Variants in HEXB observed in about 807,000 individuals in gnomAD.
The protein encoded by HEXB is beta-hexosaminidase subunit beta.
Under a neutral mutation model 71.2 loss-of-function variants are expected in HEXB, and 51 were observed. That is an observed-to-expected ratio of 0.72 (90% CI 0.57 to 0.90). The LOEUF (loss-of-function observed/expected upper bound fraction) is 0.90. Among genes scored for constraint, HEXB ranks in the 40% least tolerant of loss-of-function variants. The probability of loss-of-function intolerance (pLI) is 0.00; values close to 1 mark genes in which losing one functional copy is unlikely to be tolerated. For synonymous variants in HEXB, 266 were observed against 249.3 expected, an observed-to-expected ratio of 1.07 and a Z score of -0.63; for missense variants, 617 against 677.0, an observed-to-expected ratio of 0.91 and a Z score of 0.98.
intron 12 of HEXB, 57 bp from the exon 13 acceptor site, chr5:74,720,586 A>AAAG: frequency 6.3e-7 from 1 of 1,597,794 alleles, no homozygotes. Context: ...TCTAAACACA[A>AAAG]AAGTGCTAAA....
At chr5:74,677,487 CTTCTTTTTTT>C (rs1561210621) in intron 1 of HEXB, among the ~76,000 whole-genome samples, 3 of 129,970 alleles carry the variant, frequency 2.3e-5, no homozygotes, top group Non-Finnish European at 4.9e-5. Context: ...TTTTCTTCTT[CTTCTTTTTTT>C]TTTTTTTTTT....
intron 1 of HEXB, among the ~76,000 whole-genome samples, chr5:74,650,505 C>T (rs530548997): frequency 9.8e-5 from 15 of 152,304 alleles, no homozygotes; most frequent in Admixed American, 3.3e-4. Context: ...TGGCCCCCTC[C>T]GCAGATTGGG....
intron 5 of HEXB, 92 bp from the exon 6 acceptor site, chr5:74,705,126 CA>C: frequency 1.4e-6 from 1 of 721,838 alleles, no homozygotes; most frequent in East Asian, 2.7e-5. Flanking sequence ...TTAAAGGAAG[CA>C]GACATATTGG....
At chr5:74,645,130 A>G (rs930710823) in intron 1 of HEXB, among the ~76,000 whole-genome samples, 2 of 151,494 alleles carry the variant, frequency 1.3e-5, no homozygotes, top group South Asian at 2.1e-4. Flanking sequence ...TTAACATTTC[A>G]GTTGCTTCCT....
At chr5:74,695,366 G>A (rs1749090274) in intron 3 of HEXB, among the ~76,000 whole-genome samples, 1 of 150,698 alleles carries the variant, frequency 6.6e-6, no homozygotes, top group Non-Finnish European at 1.5e-5. Flanking sequence ...ACCACGCCTG[G>A]CTAATTTTTT....
intron 6 of HEXB, chr5:74,706,017 T>G (rs1415094836): frequency 6.5e-6 from 1 of 152,952 alleles, no homozygotes; most frequent in Non-Finnish European, 1.5e-5. Flanking sequence ...TGTTTTTGTT[T>G]CCTTTTGTTT....
rs760427424 is a variant in HEXB, at chr5:74,689,366, ATGAACCTGC to A, written c.343_351del (p.Pro115_Glu117del). ...ATTTTTGGTTTCTACAAGTGGCATC[ATGAACCTGC>A]TGAATTCCAGGCTAAAACCCAGGTT... is the stretch of plus-strand genomic sequence containing the variant. On this transcript the variant is annotated inframe_deletion, in exon 2 of 14. Transcript: ENST00000261416. 119 of 1,613,076 alleles carry A rather than the reference ATGAACCTGC, an allele frequency of 7.4e-5. No homozygotes were observed. Among genetic ancestry groups the A allele is most frequent in the Non-Finnish European group, 9.8e-5 (116 of 1,179,084 alleles).
At chr5:74,705,407 A>T in intron 6 of HEXB, 87 bp downstream of exon 6, 1 of 821,458 alleles carries the variant, frequency 1.2e-6, no homozygotes, top group East Asian at 2.5e-5. Flanking sequence ...GTTCTTATGG[A>T]TAGAATCAAA....
chr5:74,699,493 T>G (rs1749209742), intron 5 of HEXB, among the ~76,000 whole-genome samples: 1 of 152,132 alleles, frequency 6.6e-6, no homozygotes, highest in Non-Finnish European at 1.5e-5. Context: ...CAGGCTGATC[T>G]TGAACTCCTG....
chr5:74,708,989 A>AT (rs1164902407), intron 6 of HEXB, among the ~76,000 whole-genome samples: 1 of 152,118 alleles, frequency 6.6e-6, no homozygotes, highest in Non-Finnish European at 1.5e-5. Flanking sequence ...CAGAAGATAC[A>AT]TTTTTTTCAG....
At chr5:74,673,629 TC>T (rs1394496065) in intron 1 of HEXB, among the ~76,000 whole-genome samples, 1 of 152,202 alleles carries the variant, frequency 6.6e-6, no homozygotes, top group African/African-American at 2.4e-5. Context: ...GGTTCCATGT[TC>T]TTTAGTTTCT....
chr5:74,711,065 T>C (rs1222913914), intron 6 of HEXB, among the ~76,000 whole-genome samples: 1 of 150,220 alleles, frequency 6.7e-6, no homozygotes, highest in Non-Finnish European at 1.5e-5. Context: ...CAAAACAGCA[T>C]GGTACTGGTA....
chr5:74,653,445 G>A (rs1177331061), intron 1 of HEXB, among the ~76,000 whole-genome samples: 7 of 152,134 alleles, frequency 4.6e-5, no homozygotes, highest in Non-Finnish European at 8.8e-5. Flanking sequence ...TGAAACAACA[G>A]AAGCCAGCAA....
chr5:74,653,180 A>G (rs1004720566), intron 1 of HEXB, among the ~76,000 whole-genome samples: 1 of 152,290 alleles, frequency 6.6e-6, no homozygotes. Flanking sequence ...GCAGACTGAA[A>G]CTGGGTACTC....
Position 74,720,455 on chromosome 5 carries a change from T to C in HEXB, c.1445T>C (p.Ile482Thr), listed in dbSNP as rs773007352. The C allele has an allele frequency of 6.8e-6, 11 of 1,613,066 alleles. No individual in the cohort carries two copies. Among genetic ancestry groups the C allele is most frequent in the Admixed American group, 3.3e-5 (2 of 60,004 alleles). ...ACTCAGAAACAGAAACAACTTTTCA[T>C]TGGTGGAGAAGCTTGTCTATGGGGA... is the stretch of plus-strand genomic sequence containing the variant. ...GGTQKQKQLFIGGEACLWGEY... is the reference protein window; with the variant it reads ...GGTQKQKQLFTGGEACLWGEY... Residue 482 changes from isoleucine (I) to threonine (T), a missense_variant, in exon 12 of 14, where the codon ATT becomes ACT. Coordinates refer to ENST00000261416, the MANE Select transcript of HEXB (RefSeq NM_000521.4).
At chr5:74,705,125 G>A (rs1456366162) in intron 5 of HEXB, 94 bp from the exon 6 acceptor site, 14 of 713,862 alleles carry the variant, frequency 2.0e-5, no homozygotes, top group Non-Finnish European at 3.5e-5. Flanking sequence ...TTTAAAGGAA[G>A]CAGACATATT....
At chr5:74,718,745 C>T in intron 10 of HEXB, 52 bp from the exon 11 acceptor site, 1 of 1,532,590 alleles carries the variant, frequency 6.5e-7, no homozygotes. Context: ...CTTTCAATTT[C>T]ATCTACTGTT....
rs746489327 is a variant in HEXB at position 74,720,701 on chromosome 5, G to A, written c.1567G>A (p.Asp523Asn). 1 of 1,614,186 alleles carries A rather than the reference G, an allele frequency of 6.2e-7. No individual in the cohort carries two copies. Among genetic ancestry groups the A allele is most frequent in the Non-Finnish European group, 8.5e-7 (1 of 1,180,012 alleles). Residue 523 changes from aspartate to asparagine, a missense_variant, in exon 13 of 14, where the codon GAT (aspartate) becomes AAT (asparagine). Asp to Asn is a conservative substitution (Grantham distance 23). Transcript: ENST00000261416. ...LWSSKDVRDM[D>N]DAYDRLTRHR... is the part of the protein sequence containing the mutation. ...GAGTTCCAAAGATGTCAGAGATATG[G>A]ATGACGCCTATGACAGACTGACAAG... is the stretch of plus-strand genomic sequence containing the variant.
chr5:74,687,041 G>A (rs1215723195), intron 1 of HEXB, among the ~76,000 whole-genome samples: 1 of 152,214 alleles, frequency 6.6e-6, no homozygotes, highest in African/African-American at 2.4e-5. Flanking sequence ...GAGATGGTTC[G>A]AAGGCAAGGC....
Sources: allele counts gnomAD v4.1 joint callset (sites outside exome capture counted in the v4.1 genomes callset), GRCh38; gene constraint gnomAD v4.1.1; transcripts MANE v1.5; gene names NCBI Gene and HGNC (gene_info 2026-07-23, HGNC 2026-07-21).